The following FSTL4 variants were observed in gnomAD, a reference collection of about 807,000 sequenced individuals.
FSTL4 encodes follistatin-related protein 4.
Under a neutral mutation model 78.2 loss-of-function variants are expected in FSTL4, and 28 were observed. The observed-to-expected ratio is 0.36, with a 90% CI of 0.27 to 0.49. The LOEUF (loss-of-function observed/expected upper bound fraction) is 0.49, where lower values mean the gene tolerates loss of function less well. Among genes scored for constraint, FSTL4 ranks in the 20% least tolerant of loss-of-function variants. The pLI is 0.98. For synonymous variants in FSTL4, 422 were observed against 440.5 expected (o/e 0.96, Z 0.53); for missense variants, 922 against 1,084.9 (o/e 0.85, Z 2.11).
At chr5:133,709,270 A>G in the FSTL4 span, among the ~76,000 whole-genome samples, 1 of 152,246 alleles carries the variant, frequency 6.6e-6, no homozygotes, top group Non-Finnish European at 1.5e-5. Flanking sequence ...TTTCCCAATC[A>G]AGAGCCCATC....
chr5:133,650,137 T>C, the FSTL4 span, among the ~76,000 whole-genome samples: 1 of 152,028 alleles, frequency 6.6e-6, no homozygotes, highest in Admixed American at 6.6e-5. Flanking sequence ...TCAGCTTTCA[T>C]AGGAACTTAC....
chr5:133,816,918 G>A, the FSTL4 span, among the ~76,000 whole-genome samples: 19 of 152,232 alleles, frequency 1.2e-4, no homozygotes, highest in South Asian at 2.3e-3. Context: ...GGGAGGAAGC[G>A]GCAGGGAGAT....
chr5:133,468,747 G>C (rs1268387558), intron 3 of FSTL4, among the ~76,000 whole-genome samples: 1 of 152,178 alleles, frequency 6.6e-6, no homozygotes, highest in Admixed American at 6.5e-5. Context: ...TGCAACCTCT[G>C]CCAAGGGACT....
At chr5:133,634,291 T>A in the FSTL4 span, among the ~76,000 whole-genome samples, 1 of 152,024 alleles carries the variant, frequency 6.6e-6, no homozygotes, top group Non-Finnish European at 1.5e-5. Flanking sequence ...TCTGGGATGG[T>A]TGGGTGAAGT....
At chr5:133,820,923 A>G in the FSTL4 span, among the ~76,000 whole-genome samples, 7 of 152,268 alleles carry the variant, frequency 4.6e-5, no homozygotes, top group African/African-American at 1.7e-4. Context: ...GTATTCTAAT[A>G]AATAAGCTGC....
In FSTL4 at chr5:133,606,546, A is replaced by T. The variant is rs553893627; in HGVS notation, c.-10-2553T>A. 3.2e-4 allele frequency among the ~76,000 whole-genome samples: 49 copies of T among 152,346 alleles called. 1 individual carries two copies. Among genetic ancestry groups the T allele is most frequent in the African/African-American group, 1.1e-3 (47 of 41,584 alleles). On this transcript the variant is annotated intron_variant, in intron 1 of 15. Transcript: ENST00000265342. ...CAGCGAGTGGATTTTTGGAATTTTT[A>T]AAAACCAGCCATAGAAATTTAAGCT... is the stretch of plus-strand genomic sequence containing the variant.
the FSTL4 span, among the ~76,000 whole-genome samples, chr5:133,788,950 A>G: frequency 6.6e-6 from 1 of 152,122 alleles, no homozygotes; most frequent in Non-Finnish European, 1.5e-5. Flanking sequence ...CGACCCCAGA[A>G]ACATCCACTC....
At chr5:133,252,666 A>G (rs971023614) in intron 6 of FSTL4, among the ~76,000 whole-genome samples, 2 of 152,148 alleles carry the variant, frequency 1.3e-5, no homozygotes, top group African/African-American at 4.8e-5. Flanking sequence ...GGCTCTAGAT[A>G]CAAGGCTAGG....
the FSTL4 span, among the ~76,000 whole-genome samples, chr5:133,829,838 G>A: frequency 6.6e-6 from 1 of 152,274 alleles, no homozygotes; most frequent in East Asian, 1.9e-4. Context: ...TTGCTCCAGG[G>A]CGGCCGGTCA....
intron 6 of FSTL4, among the ~76,000 whole-genome samples, chr5:133,259,153 C>T (rs1752452943): frequency 7.4e-6 from 1 of 134,682 alleles, no homozygotes; most frequent in African/African-American, 3.0e-5. Context: ...AAGAGAGTAG[C>T]AGGGGAGGGC....
chr5:133,810,443 G>T, the FSTL4 span, among the ~76,000 whole-genome samples: 586 of 152,316 alleles, frequency 3.8e-3, 23 homozygotes, highest in East Asian at 0.1. Context: ...AAGCTGCGTT[G>T]TTGTCTGTGG....
the FSTL4 span, among the ~76,000 whole-genome samples, chr5:133,631,178 C>G: frequency 1.3e-5 from 2 of 152,062 alleles, no homozygotes; most frequent in African/African-American, 4.8e-5. Context: ...AGCTTCTGCA[C>G]AGCAAAAGAA....
intron 3 of FSTL4, among the ~76,000 whole-genome samples, chr5:133,467,511 C>T (rs527551746): frequency 1.3e-5 from 2 of 152,210 alleles, no homozygotes; most frequent in South Asian, 2.1e-4. Context: ...TGTCTTGGGC[C>T]GCCCCTACTG....
intron 3 of FSTL4, among the ~76,000 whole-genome samples, chr5:133,425,904 G>A (rs1756803290): frequency 6.6e-6 from 1 of 152,216 alleles, no homozygotes; most frequent in Non-Finnish European, 1.5e-5. Context: ...AGGGAGAACA[G>A]GGACATAGGA....
chr5:133,680,757 G>A, the FSTL4 span, among the ~76,000 whole-genome samples: 1 of 152,190 alleles, frequency 6.6e-6, no homozygotes, highest in Non-Finnish European at 1.5e-5. Flanking sequence ...CAGTTATCTG[G>A]TTACAGCAGA....
chr5:133,370,835 T>A (rs29549), intron 4 of FSTL4, among the ~76,000 whole-genome samples: 1 of 152,086 alleles, frequency 6.6e-6, no homozygotes, highest in African/African-American at 2.4e-5. Flanking sequence ...GTTCAAAGAC[T>A]CATTAGGGTC....
chr5:133,349,295 C>CTGTGTG (rs1554107119), intron 4 of FSTL4, among the ~76,000 whole-genome samples: 7,317 of 139,690 alleles, frequency 0.052, 240 homozygotes, highest in Non-Finnish European at 0.072. Flanking sequence ...GCCTCTCTCT[C>CTGTGTG]TGTGTGTGTG....
the FSTL4 span, among the ~76,000 whole-genome samples, chr5:133,757,408 T>G: frequency 2.6e-5 from 4 of 152,218 alleles, no homozygotes; most frequent in Non-Finnish European, 5.9e-5. Context: ...ATTTCAGTGC[T>G]CAATAGCACG....
At chr5:133,542,245 T>C (rs1184946201) in intron 3 of FSTL4, among the ~76,000 whole-genome samples, 2 of 152,190 alleles carry the variant, frequency 1.3e-5, no homozygotes, top group Non-Finnish European at 2.9e-5. Flanking sequence ...ATTGAGATGA[T>C]TATATGACTT....
Sources: gnomAD v4.1 joint callset for allele counts (sites outside exome capture counted in the v4.1 genomes callset) on GRCh38, gnomAD v4.1.1 for gene constraint, MANE v1.5 for transcripts, NCBI Gene and HGNC (gene_info 2026-07-23, HGNC 2026-07-21) for gene names.